The following MIS18A variants were observed in gnomAD, a reference collection of about 807,000 sequenced individuals.
The protein encoded by MIS18A is protein Mis18-alpha.
A neutral mutation model predicts 25.0 loss-of-function variants in MIS18A; 14 were observed. The ratio of observed to expected loss-of-function variants is 0.56; its 90% confidence interval spans 0.37 to 0.88. MIS18A has a LOEUF of 0.88. Among genes scored for constraint, MIS18A ranks in the 40% least tolerant of loss-of-function variants. The pLI is 0.00. For missense variants in MIS18A, 292 were observed against 290.8 expected, an observed-to-expected ratio of 1.00 and a Z score of -0.03; for synonymous variants, 134 against 118.6, an observed-to-expected ratio of 1.13 and a Z score of -0.84.
At chr21:32,183,609 C>A in the MIS18A span, among the ~76,000 whole-genome samples, 4 of 152,162 alleles carry the variant, frequency 2.6e-5, no homozygotes, top group East Asian at 7.7e-4. Context: ...CATTTTTGGC[C>A]CTTCTCCTTA....
chr21:32,218,648 A>G, the MIS18A span, among the ~76,000 whole-genome samples: 1 of 152,240 alleles, frequency 6.6e-6, no homozygotes, highest in East Asian at 1.9e-4. Context: ...ACAAATACGA[A>G]AAAACTAAAA....
the MIS18A span, among the ~76,000 whole-genome samples, chr21:32,185,832 C>T: frequency 6.6e-6 from 1 of 152,178 alleles, no homozygotes; most frequent in Non-Finnish European, 1.5e-5. Context: ...ACTCACAGTT[C>T]CTGGCTAGAC....
At chr21:32,275,804 C>T (rs2031797578) in intron 1 of MIS18A, among the ~76,000 whole-genome samples, 1 of 152,124 alleles carries the variant, frequency 6.6e-6, no homozygotes, top group African/African-American at 2.4e-5. Context: ...ATCTACTCCA[C>T]TGATCCATCC....
the MIS18A span, among the ~76,000 whole-genome samples, chr21:32,256,407 C>T: frequency 1.1e-4 from 16 of 152,318 alleles, no homozygotes; most frequent in South Asian, 3.3e-3. Flanking sequence ...ATCCTCCTCT[C>T]TCACTTGAGC....
the MIS18A span, among the ~76,000 whole-genome samples, chr21:32,245,622 T>C: frequency 6.6e-6 from 1 of 152,180 alleles, no homozygotes; most frequent in Non-Finnish European, 1.5e-5. Flanking sequence ...CAATGGCTAA[T>C]ACTCAAGGTT....
chr21:32,274,961 G>C (rs530611826), intron 1 of MIS18A, 65 bp from the exon 2 acceptor site: 1 of 1,336,726 alleles, frequency 7.5e-7, no homozygotes, highest in African/African-American at 1.5e-5. Context: ...TGCAGACAGA[G>C]AGTTTCTAAT....
chr21:32,195,503 T>C, the MIS18A span, among the ~76,000 whole-genome samples: 1 of 152,174 alleles, frequency 6.6e-6, no homozygotes, highest in African/African-American at 2.4e-5. Flanking sequence ...TGCTAGCCAG[T>C]TGGAAGCCCC....
downstream of MIS18A, among the ~76,000 whole-genome samples, chr21:32,266,292 A>T (rs2031598769): frequency 6.6e-6 from 1 of 152,174 alleles, no homozygotes; most frequent in Admixed American, 6.5e-5. Context: ...GGGATTGTAA[A>T]CGCACCAATC....
the MIS18A span, among the ~76,000 whole-genome samples, chr21:32,191,291 A>G: frequency 8.5e-5 from 13 of 152,368 alleles, no homozygotes; most frequent in East Asian, 2.5e-3. Flanking sequence ...AATTTTCAGC[A>G]TAAAAGTTCT....
At chr21:32,210,492 G>A in the MIS18A span, among the ~76,000 whole-genome samples, 5 of 152,272 alleles carry the variant, frequency 3.3e-5, no homozygotes, top group East Asian at 9.6e-4. Context: ...TTCAACAGTC[G>A]AGAAGGGCTT....
intron 1 of MIS18A, 72 bp downstream of exon 1, chr21:32,278,608 CG>C: frequency 7.1e-7 from 1 of 1,404,878 alleles, no homozygotes; most frequent in Non-Finnish European, 9.3e-7. Flanking sequence ...CGCCTCCTCC[CG>C]GGCCGCCCAC....
chr21:32,278,594 CCCCCG>C, intron 1 of MIS18A, 82 bp downstream of exon 1: 1 of 1,330,994 alleles, frequency 7.5e-7, no homozygotes, highest in South Asian at 1.5e-5. Context: ...CCCCAAGGAG[CCCCCG>C]CCTCCTCCCG....
At chr21:32,267,153 G>A (rs777913602), downstream of MIS18A, among the ~76,000 whole-genome samples, 7 of 152,216 alleles carry the variant, frequency 4.6e-5, no homozygotes, top group Non-Finnish European at 7.3e-5. Flanking sequence ...CTGGACCCCA[G>A]CCTTGGAAGT....
At chr21:32,265,170 C>G (rs1315512456), downstream of MIS18A, among the ~76,000 whole-genome samples, 3 of 152,202 alleles carry the variant, frequency 2.0e-5, no homozygotes, top group African/African-American at 7.2e-5. Flanking sequence ...AGCGTGCTGG[C>G]AGTCCTCAGA....
At chr21:32,231,045 G>GGTAA in the MIS18A span, among the ~76,000 whole-genome samples, 6 of 151,782 alleles carry the variant, frequency 4.0e-5, no homozygotes, top group African/African-American at 1.5e-4. Context: ...GACCAGCCTG[G>GGTAA]CCAACACAGT....
chr21:32,223,817 C>T, the MIS18A span, among the ~76,000 whole-genome samples: 1 of 152,146 alleles, frequency 6.6e-6, no homozygotes, highest in South Asian at 2.1e-4. Flanking sequence ...CTGACAGAGA[C>T]ACAACAAAAA....
chr21:32,192,835 C>A, the MIS18A span, among the ~76,000 whole-genome samples: 1 of 152,318 alleles, frequency 6.6e-6, no homozygotes, highest in East Asian at 1.9e-4. Context: ...ATGTGGCCCA[C>A]CTAAGAAGCT....
the MIS18A span, among the ~76,000 whole-genome samples, chr21:32,155,083 T>G: frequency 6.6e-6 from 1 of 152,210 alleles, no homozygotes; most frequent in Non-Finnish European, 1.5e-5. Flanking sequence ...CACTTATCAT[T>G]GGGAGTATTA....
the MIS18A span, among the ~76,000 whole-genome samples, chr21:32,238,342 C>T: frequency 6.6e-6 from 1 of 152,292 alleles, no homozygotes; most frequent in South Asian, 2.1e-4. Flanking sequence ...CATATTCATA[C>T]TACAAGTCCA....
Sources: allele counts gnomAD v4.1 joint callset (sites outside exome capture counted in the v4.1 genomes callset), GRCh38; gene constraint gnomAD v4.1.1; transcripts MANE v1.5; gene names NCBI Gene and HGNC (gene_info 2026-07-23, HGNC 2026-07-21).